PAPPA: variants seen among roughly 807,000 people sequenced by gnomAD.
The protein encoded by PAPPA is pappalysin 1, also known as pappalysin-1.
A neutral mutation model predicts 164.0 loss-of-function variants in PAPPA; 60 were observed. The ratio of observed to expected loss-of-function variants is 0.37; its 90% CI spans 0.30 to 0.45. PAPPA has a LOEUF of 0.45. Ranked by LOEUF, PAPPA falls within the 20% of genes least tolerant of loss-of-function variation. The probability of loss-of-function intolerance (pLI) is 1.00; values close to 1 mark genes in which losing one functional copy is unlikely to be tolerated. For missense variants in PAPPA, 1,782 were observed against 2,087.3 expected (o/e 0.85, Z 2.85); for synonymous variants, 875 against 814.1 (o/e 1.07, Z -1.27).
rs375489039 is a variant in PAPPA, at chr9:116,295,878, G to A, written c.2954-6879G>A. On this transcript the variant is annotated intron_variant, in intron 9 of 21. Coordinates refer to ENST00000328252, the MANE Select transcript of PAPPA (RefSeq NM_002581.5). The stretch of plus-strand genomic sequence containing the variant: ...GGAGGGCCTGTCCTGATTCATTAAC[G>A]TATTTCCAGCACCAGCACAACAAGA... Among the ~76,000 whole-genome samples, 78 of 152,218 alleles carry A rather than the reference G, an allele frequency of 5.1e-4. No individual in the cohort carries two copies. The South Asian group carries it at 0.014, about 27-fold the overall frequency.
At chr9:116,167,632 T>C (rs1288734455) in intron 1 of PAPPA, among the ~76,000 whole-genome samples, 1 of 152,188 alleles carries the variant, frequency 6.6e-6, no homozygotes, top group Admixed American at 6.5e-5. Flanking sequence ...CTTGGAATTA[T>C]GTGGGTGACC....
intron 19 of PAPPA, among the ~76,000 whole-genome samples, chr9:116,374,155 GTGT>G (rs1428763451): frequency 0.026 from 746 of 28,900 alleles, 6 homozygotes; most frequent in African/African-American, 0.044. Flanking sequence ...GATGGTGGTA[GTGT>G]TGGTGGTGGT....
At chr9:116,336,100 A>T (rs1846057801) in intron 13 of PAPPA, among the ~76,000 whole-genome samples, 1 of 152,160 alleles carries the variant, frequency 6.6e-6, no homozygotes, top group Admixed American at 6.5e-5. Context: ...AAAGGGAAGA[A>T]CTTGCGCAGA....
intron 7 of PAPPA, among the ~76,000 whole-genome samples, chr9:116,256,779 T>C (rs540531525): frequency 1.3e-5 from 2 of 151,952 alleles, no homozygotes; most frequent in Non-Finnish European, 2.9e-5. Context: ...TCTCAATAAT[T>C]TATAGATCAA....
chr9:116,367,065 G>A (rs1326252623), intron 18 of PAPPA, among the ~76,000 whole-genome samples: 1 of 152,202 alleles, frequency 6.6e-6, no homozygotes, highest in Admixed American at 6.5e-5. Context: ...TGATGATGGA[G>A]TACTCTCACT....
chr9:116,255,937 C>T (rs1844922051), intron 7 of PAPPA, among the ~76,000 whole-genome samples: 1 of 151,490 alleles, frequency 6.6e-6, no homozygotes, highest in African/African-American at 2.4e-5. Context: ...TTGTCTTATA[C>T]CTCAAAAGAC....
chr9:116,331,436 G>A, intron 11 of PAPPA, 79 bp downstream of exon 11: 1 of 847,624 alleles, frequency 1.2e-6, no homozygotes, highest in South Asian at 1.4e-5. Context: ...CCTTTCTGAA[G>A]ATGGGTTGTC....
intron 10 of PAPPA, among the ~76,000 whole-genome samples, chr9:116,328,879 G>A (rs374009724): frequency 1.8e-4 from 28 of 152,208 alleles, no homozygotes; most frequent in East Asian, 1.5e-3. Context: ...GTTCAAAATT[G>A]CACACCACAT....
chr9:116,217,170 C>T (rs991696756), intron 4 of PAPPA, among the ~76,000 whole-genome samples: 23 of 152,086 alleles, frequency 1.5e-4, no homozygotes, highest in African/African-American at 5.3e-4. Context: ...AAGAAAAATA[C>T]ACTTTTTTGT....
intron 13 of PAPPA, among the ~76,000 whole-genome samples, chr9:116,337,858 CTT>C (rs1168948761): frequency 6.6e-6 from 1 of 152,132 alleles, no homozygotes; most frequent in Non-Finnish European, 1.5e-5. Flanking sequence ...TCTCCAGTCT[CTT>C]TGCAGTACTT....
At chr9:116,186,060 C>A (rs901451708) in intron 1 of PAPPA, among the ~76,000 whole-genome samples, 1 of 152,088 alleles carries the variant, frequency 6.6e-6, no homozygotes, top group Non-Finnish European at 1.5e-5. Context: ...AATGTCACCA[C>A]CTTAGGGATA....
intron 6 of PAPPA, among the ~76,000 whole-genome samples, chr9:116,231,898 G>T (rs1017263592): frequency 6.6e-6 from 1 of 151,230 alleles, no homozygotes; most frequent in Non-Finnish European, 1.5e-5. Context: ...AGCAGCTGGG[G>T]TTACAGGCAC....
At chr9:116,385,127 G>A (rs1846789837) in intron 21 of PAPPA, among the ~76,000 whole-genome samples, 1 of 151,958 alleles carries the variant, frequency 6.6e-6, no homozygotes, top group Admixed American at 6.6e-5. Context: ...CCAGCTGCTT[G>A]GGAGGCTGAG....
intron 4 of PAPPA, among the ~76,000 whole-genome samples, chr9:116,216,512 C>G (rs1844373464): frequency 6.6e-6 from 1 of 152,142 alleles, no homozygotes; most frequent in Non-Finnish European, 1.5e-5. Flanking sequence ...AAGATACAGA[C>G]AGAAGAACAA....
intron 7 of PAPPA, among the ~76,000 whole-genome samples, chr9:116,256,355 A>T (rs747533606): frequency 5.3e-5 from 8 of 152,000 alleles, no homozygotes; most frequent in African/African-American, 7.2e-5. Flanking sequence ...ATGGAAATTT[A>T]AAAATTCGAT....
At chr9:116,285,426 A>G (rs923543742) in intron 9 of PAPPA, among the ~76,000 whole-genome samples, 18 of 151,690 alleles carry the variant, frequency 1.2e-4, no homozygotes, top group African/African-American at 4.1e-4. Flanking sequence ...CTCGGCCAGG[A>G]TTTGCATTTT....
intron 8 of PAPPA, among the ~76,000 whole-genome samples, chr9:116,268,286 C>T (rs1845095294): frequency 6.6e-6 from 1 of 152,150 alleles, no homozygotes; most frequent in Non-Finnish European, 1.5e-5. Flanking sequence ...ATACAGTTTC[C>T]AATGCAGTAA....
At chr9:116,323,771 C>A (rs561864160) in intron 10 of PAPPA, among the ~76,000 whole-genome samples, 1 of 152,188 alleles carries the variant, frequency 6.6e-6, no homozygotes, top group Non-Finnish European at 1.5e-5. Context: ...ATTTTAGAGT[C>A]AACATTCTTT....
chr9:116,231,508 G>A (rs1026096133), intron 6 of PAPPA, among the ~76,000 whole-genome samples: 27 of 152,012 alleles, frequency 1.8e-4, no homozygotes, highest in African/African-American at 6.0e-4. Context: ...TATTGTCTGC[G>A]TTAGTCCAAT....
Sources: allele counts gnomAD v4.1 joint callset (sites outside exome capture counted in the v4.1 genomes callset), GRCh38; gene constraint gnomAD v4.1.1; transcripts MANE v1.5; gene names NCBI Gene and HGNC (gene_info 2026-07-23, HGNC 2026-07-21).